Variants in SCMH1 observed in about 807,000 individuals in gnomAD.
SCMH1 encodes polycomb protein SCMH1.
Under a neutral mutation model 70.8 loss-of-function variants are expected in SCMH1, and 37 were observed. The ratio of observed to expected loss-of-function variants is 0.52; its 90% CI spans 0.40 to 0.69. The LOEUF is 0.69. SCMH1 is among the 30% of genes least tolerant of loss of function. The pLI is 0.00. For missense variants in SCMH1, 607 were observed against 827.3 expected (o/e 0.73, Z 3.27); for synonymous variants, 292 against 307.4 (o/e 0.95, Z 0.52).
At chr1:41,129,113 C>G (rs1196657220) in intron 6 of SCMH1, among the ~76,000 whole-genome samples, 1 of 152,078 alleles carries the variant, frequency 6.6e-6, no homozygotes, top group Non-Finnish European at 1.5e-5. Context: ...TCTATTAATT[C>G]TATAATCTGT....
chr1:41,101,170 G>T (rs1051813631), intron 8 of SCMH1, among the ~76,000 whole-genome samples: 1 of 152,196 alleles, frequency 6.6e-6, no homozygotes, highest in African/African-American at 2.4e-5. Flanking sequence ...TAGAGCCAAT[G>T]GATAGATACT....
intron 10 of SCMH1, among the ~76,000 whole-genome samples, chr1:41,053,846 TG>T (rs1215917202): frequency 1.4e-3 from 212 of 151,932 alleles, no homozygotes; most frequent in African/African-American, 4.6e-3. Flanking sequence ...TTTTTTGTTT[TG>T]TTTTTTTTTG....
At chr1:41,173,348 T>C (rs1031291249) in intron 2 of SCMH1, among the ~76,000 whole-genome samples, 2 of 152,120 alleles carry the variant, frequency 1.3e-5, no homozygotes, top group African/African-American at 2.4e-5. Flanking sequence ...TAGAAATGGC[T>C]AACAGGTATA....
chr1:41,070,512 G>T, intron 10 of SCMH1, 83 bp downstream of exon 10: 1 of 1,514,388 alleles, frequency 6.6e-7, no homozygotes, highest in Non-Finnish European at 9.0e-7. Context: ...GTGGAAAGGT[G>T]CTAATTACTG....
At chr1:41,062,025 C>T (rs1303247196) in intron 10 of SCMH1, among the ~76,000 whole-genome samples, 1 of 151,864 alleles carries the variant, frequency 6.6e-6, no homozygotes, top group Non-Finnish European at 1.5e-5. Context: ...CCACCACACC[C>T]GGCTAATTGT....
intron 10 of SCMH1, among the ~76,000 whole-genome samples, chr1:41,051,846 T>C (rs1300736331): frequency 6.6e-6 from 1 of 152,004 alleles, no homozygotes; most frequent in Admixed American, 6.6e-5. Flanking sequence ...TAAAAAAAAA[T>C]TTAGTGTAGC....
At chr1:41,143,403 C>T (rs1212682901) in intron 5 of SCMH1, among the ~76,000 whole-genome samples, 1 of 152,138 alleles carries the variant, frequency 6.6e-6, no homozygotes, top group Admixed American at 6.5e-5. Flanking sequence ...ACTCCCTACC[C>T]TTCCAGGTAG....
chr1:41,077,258 G>C (rs1571856193), intron 8 of SCMH1, among the ~76,000 whole-genome samples: 1 of 152,076 alleles, frequency 6.6e-6, no homozygotes, highest in East Asian at 1.9e-4. Flanking sequence ...GCTAATTTTG[G>C]CATAAACTAA....
intron 4 of SCMH1, among the ~76,000 whole-genome samples, chr1:41,159,381 A>ATCAT (rs1645832471): frequency 1.3e-5 from 2 of 152,216 alleles, no homozygotes; most frequent in African/African-American, 4.8e-5. Flanking sequence ...AATTGTTATT[A>ATCAT]TCATTCATAT....
intron 4 of SCMH1, among the ~76,000 whole-genome samples, chr1:41,158,193 A>G (rs2148401688): frequency 6.6e-6 from 1 of 152,316 alleles, no homozygotes; most frequent in Non-Finnish European, 1.5e-5. Flanking sequence ...TTCCCCATCC[A>G]TCCAACAAAT....
At chr1:41,161,589 T>C in intron 2 of SCMH1, 157 bp from the exon 3 acceptor site, 3 of 800,874 alleles carry the variant, frequency 3.7e-6, no homozygotes, top group East Asian at 3.1e-5. Context: ...AAAGGTTTTA[T>C]GTAAAAAGCC....
exon 12 of SCMH1, chr1:41,046,469 G>A: frequency 6.2e-7 from 1 of 1,614,216 alleles, no homozygotes. Context: ...GTGAGTCTGT[G>A]TAAAGGGCTG....
At chr1:41,233,851 A>G (rs142285238) in intron 1 of SCMH1, among the ~76,000 whole-genome samples, 2 of 152,330 alleles carry the variant, frequency 1.3e-5, no homozygotes, top group Admixed American at 6.5e-5. Context: ...AACTTACTGC[A>G]CAAGAGCACA....
At chr1:41,059,197 T>C (rs997235469) in intron 10 of SCMH1, among the ~76,000 whole-genome samples, 1 of 152,160 alleles carries the variant, frequency 6.6e-6, no homozygotes, top group Non-Finnish European at 1.5e-5. Context: ...AAATACTGGG[T>C]AGAAGAGGGC....
At chr1:41,082,713 C>T (rs35147684) in intron 8 of SCMH1, among the ~76,000 whole-genome samples, 16,519 of 151,982 alleles carry the variant, frequency 0.11, 1,275 homozygotes, top group East Asian at 0.28. Context: ...AACATTGATG[C>T]GAAAATCCTC....
At chr1:41,041,634 C>CT (rs1373593653) in intron 12 of SCMH1, 6 of 152,196 alleles carry the variant, frequency 3.9e-5, no homozygotes, top group Admixed American at 6.5e-5. Context: ...TCTTAAAACT[C>CT]TGACAATTCT....
chr1:41,241,812 G>A (rs1663625316), intron 1 of SCMH1, among the ~76,000 whole-genome samples: 8 of 151,942 alleles, frequency 5.3e-5, no homozygotes, highest in Admixed American at 4.6e-4. Context: ...CGGACCGTGG[G>A]CCCCGCCCGC....
intron 2 of SCMH1, among the ~76,000 whole-genome samples, chr1:41,182,971 C>T (rs1018632356): frequency 4.6e-5 from 7 of 152,254 alleles, no homozygotes; most frequent in Admixed American, 3.3e-4. Flanking sequence ...GAGCTAGTCA[C>T]CTATCATTTT....
intron 10 of SCMH1, among the ~76,000 whole-genome samples, chr1:41,066,965 C>G (rs1306106000): frequency 6.6e-6 from 1 of 152,186 alleles, no homozygotes; most frequent in Non-Finnish European, 1.5e-5. Context: ...TAGCAGTTGT[C>G]TTCCTTGGTA....
Sources: allele counts gnomAD v4.1 joint callset (sites outside exome capture counted in the v4.1 genomes callset), GRCh38; gene constraint gnomAD v4.1.1; transcripts MANE v1.5; gene names NCBI Gene and HGNC (gene_info 2026-07-23, HGNC 2026-07-21).